Variants in EMCN observed in about 807,000 individuals in gnomAD.
The protein encoded by EMCN is endomucin.
A neutral mutation model predicts 38.4 loss-of-function variants in EMCN; 37 were observed. The observed-to-expected ratio is 0.96, with a 90% CI of 0.74 to 1.27. The LOEUF is 1.27. EMCN is among the 50% of genes most tolerant of loss of function. EMCN has a pLI of 0.00. For missense variants in EMCN, 318 were observed against 302.8 expected (o/e 1.05, Z -0.37); for synonymous variants, 95 against 100.8 (o/e 0.94, Z 0.35).
At chr4:100,420,980 T>A (rs2110217371) in intron 8 of EMCN, among the ~76,000 whole-genome samples, 1 of 152,074 alleles carries the variant, frequency 6.6e-6, no homozygotes, top group South Asian at 2.1e-4. Flanking sequence ...CATAGACAAG[T>A]TATGTCATTG....
chr4:100,486,785 A>C, intron 1 of EMCN: 1 of 893,180 alleles, frequency 1.1e-6, no homozygotes, highest in Non-Finnish European at 1.3e-6. Context: ...CAATATCTGC[A>C]AAATGGACCC....
At chr4:100,463,358 A>G (rs1728232716) in intron 4 of EMCN, among the ~76,000 whole-genome samples, 1 of 152,094 alleles carries the variant, frequency 6.6e-6, no homozygotes, top group African/African-American at 2.4e-5. Flanking sequence ...TCCCACTACT[A>G]AACTTCGCAC....
intron 5 of EMCN, among the ~76,000 whole-genome samples, chr4:100,428,834 G>A (rs980910955): frequency 6.6e-6 from 1 of 152,158 alleles, no homozygotes; most frequent in African/African-American, 2.4e-5. Context: ...CAGAGTATGA[G>A]AGGTAGCTGT....
At chr4:100,448,050 A>G (rs1408424855) in intron 4 of EMCN, among the ~76,000 whole-genome samples, 1 of 152,072 alleles carries the variant, frequency 6.6e-6, no homozygotes, top group Admixed American at 6.6e-5. Context: ...GTGCTTAATG[A>G]AAGTGGCTGC....
chr4:100,405,172 T>C (rs1726360504), intron 11 of EMCN, among the ~76,000 whole-genome samples: 1 of 152,108 alleles, frequency 6.6e-6, no homozygotes, highest in South Asian at 2.1e-4. Context: ...ACAGATCGTT[T>C]AACTTCTTCT....
intron 1 of EMCN, among the ~76,000 whole-genome samples, chr4:100,493,181 G>T (rs1378474634): frequency 6.6e-6 from 1 of 152,068 alleles, no homozygotes; most frequent in Non-Finnish European, 1.5e-5. Context: ...GTAAGTTCAG[G>T]ACACTAAAAT....
chr4:100,409,059 A>G (rs953541453), intron 11 of EMCN, among the ~76,000 whole-genome samples: 1 of 152,160 alleles, frequency 6.6e-6, no homozygotes, highest in African/African-American at 2.4e-5. Flanking sequence ...CAAGCACAGC[A>G]GGTACCATTT....
intron 4 of EMCN, among the ~76,000 whole-genome samples, chr4:100,464,192 T>A (rs1728255349): frequency 1.3e-5 from 2 of 151,874 alleles, no homozygotes; most frequent in African/African-American, 4.8e-5. Flanking sequence ...TTCTTAATTT[T>A]ATTTTGGATC....
intron 11 of EMCN, among the ~76,000 whole-genome samples, chr4:100,403,980 G>C (rs576456750): frequency 6.6e-6 from 1 of 151,738 alleles, no homozygotes; most frequent in Admixed American, 6.6e-5. Context: ...TACCTTTATC[G>C]GATGCATAGT....
intron 4 of EMCN, among the ~76,000 whole-genome samples, chr4:100,452,280 T>C (rs1727865010): frequency 6.6e-6 from 1 of 152,074 alleles, no homozygotes; most frequent in Non-Finnish European, 1.5e-5. Context: ...ATTTGATAAT[T>C]TATTTATTAT....
At chr4:100,440,306 T>C (rs985943306) in intron 5 of EMCN, among the ~76,000 whole-genome samples, 1 of 152,148 alleles carries the variant, frequency 6.6e-6, no homozygotes, top group Non-Finnish European at 1.5e-5. Flanking sequence ...AATTATATAG[T>C]GGTGAATTCT....
chr4:100,467,460 C>T (rs12513334), intron 3 of EMCN, among the ~76,000 whole-genome samples: 28,341 of 151,578 alleles, frequency 0.19, 4,265 homozygotes, highest in East Asian at 0.77. Flanking sequence ...GGGCGGATCA[C>T]GAGGTCAGGA....
At chr4:100,489,075 G>C (rs1729013241) in intron 1 of EMCN, among the ~76,000 whole-genome samples, 1 of 152,174 alleles carries the variant, frequency 6.6e-6, no homozygotes, top group Non-Finnish European at 1.5e-5. Flanking sequence ...TATAGATGGA[G>C]AAACCTGGTA....
intron 1 of EMCN, among the ~76,000 whole-genome samples, chr4:100,489,713 A>T (rs547467156): frequency 1.3e-5 from 2 of 152,146 alleles, no homozygotes; most frequent in Non-Finnish European, 2.9e-5. Context: ...CATACAGTCA[A>T]CCCTCTATAT....
At chr4:100,489,169 CT>C (rs149359304) in intron 1 of EMCN, among the ~76,000 whole-genome samples, 6,858 of 152,164 alleles carry the variant, frequency 0.045, 217 homozygotes, top group Middle Eastern at 0.068. Flanking sequence ...CTTCCATGTT[CT>C]CTTTCTCTAC....
chr4:100,481,403 CTT>C (rs1728802072), intron 1 of EMCN, among the ~76,000 whole-genome samples: 2 of 152,034 alleles, frequency 1.3e-5, no homozygotes, highest in Non-Finnish European at 2.9e-5. Context: ...AGCACTGACT[CTT>C]TATAGATAGC....
At chr4:100,419,670 G>A (rs569511088) in intron 8 of EMCN, among the ~76,000 whole-genome samples, 16 of 152,150 alleles carry the variant, frequency 1.1e-4, no homozygotes, top group Admixed American at 7.2e-4. Flanking sequence ...AGACAGGATT[G>A]GTAGGTAGTT....
At chr4:100,486,337 A>G (rs1728941147) in intron 1 of EMCN, among the ~76,000 whole-genome samples, 3 of 152,208 alleles carry the variant, frequency 2.0e-5, no homozygotes, top group African/African-American at 7.2e-5. Flanking sequence ...CCAAAAAGGG[A>G]CATTGACAAT....
intron 1 of EMCN, among the ~76,000 whole-genome samples, chr4:100,510,541 G>C (rs1729599402): frequency 6.6e-6 from 1 of 152,132 alleles, no homozygotes; most frequent in Non-Finnish European, 1.5e-5. Context: ...CATTAACTCA[G>C]CAAAACTTTA....
Sources: allele counts gnomAD v4.1 joint callset (sites outside exome capture counted in the v4.1 genomes callset), GRCh38; gene constraint gnomAD v4.1.1; transcripts MANE v1.5; gene names NCBI Gene and HGNC (gene_info 2026-07-23, HGNC 2026-07-21).